Variants in SFI1 observed in about 807,000 individuals in gnomAD.
SFI1 encodes SFI1 centrin binding protein, also known as protein SFI1 homolog.
SFI1 carries 195 observed loss-of-function variants against 207.5 expected under a neutral mutation model. The ratio of observed to expected loss-of-function variants is 0.94; its 90% confidence interval spans 0.84 to 1.06. The LOEUF is 1.06. Ranked by LOEUF, SFI1 falls within the 50% of genes least tolerant of loss-of-function variation. The pLI, the probability that SFI1 is intolerant of heterozygous loss-of-function variation, is 0.00. For synonymous variants in SFI1, 630 were observed against 598.9 expected, an observed-to-expected ratio of 1.05 and a Z score of -0.76; for missense variants, 1,634 against 1,588.0, an observed-to-expected ratio of 1.03 and a Z score of -0.49.
chr22:31,562,857 TCTC>T (rs1356799390), intron 8 of SFI1, among the ~76,000 whole-genome samples: 1 of 151,736 alleles, frequency 6.6e-6, no homozygotes, highest in African/African-American at 2.4e-5. Flanking sequence ...ATGGTCTTGA[TCTC>T]CTGACCTTGT....
chr22:31,607,787 C>A, intron 21 of SFI1, 150 bp from the exon 22 acceptor site: 2 of 605,194 alleles, frequency 3.3e-6, no homozygotes, highest in East Asian at 5.7e-5. Flanking sequence ...CAGTGGTCTG[C>A]GTGCAAGGCA....
rs200280813 is a variant in SFI1, at chr22:31,611,231, C to T, written c.2343C>T (p.His781=). Residue 781 remains histidine (H), a synonymous_variant, in exon 23 of 33, where the codon CAC becomes CAT. Coordinates refer to ENST00000400288, the MANE Select transcript of SFI1 (RefSeq NM_001007467.3). ...QRLQLERAVQ[H]HHRQLLLEGL... ...TGCAGCTGGAGAGGGCAGTGCAACA[C>T]CACCACCGGCAGCTGCTGCTGGAGG... The T allele has an allele frequency of 3.7e-6, 6 of 1,613,746 alleles. No individual in the cohort carries two copies. In the South Asian group the frequency reaches 4.4e-5, roughly 12 times the overall value.
At chr22:31,548,041 C>T (rs554382220) in intron 5 of SFI1, among the ~76,000 whole-genome samples, 2 of 151,288 alleles carry the variant, frequency 1.3e-5, no homozygotes, top group African/African-American at 2.4e-5. Context: ...GGTGAAACCC[C>T]GTCTCTACTA....
At chr22:31,609,022 G>C (rs555611717) in intron 22 of SFI1, among the ~76,000 whole-genome samples, 12 of 151,930 alleles carry the variant, frequency 7.9e-5, no homozygotes, top group Non-Finnish European at 1.6e-4. Context: ...TTTTGAGACA[G>C]AGTCTCACTC....
intron 15 of SFI1, among the ~76,000 whole-genome samples, chr22:31,599,879 TA>T (rs1196202060): frequency 3.0e-5 from 4 of 133,050 alleles, no homozygotes; most frequent in Non-Finnish European, 5.2e-5. Flanking sequence ...TTATTGTTGT[TA>T]TTTTTTTTTT....
At chr22:31,508,618 C>T (rs940375479) in intron 2 of SFI1, among the ~76,000 whole-genome samples, 3 of 152,110 alleles carry the variant, frequency 2.0e-5, no homozygotes, top group African/African-American at 7.2e-5. Context: ...TGATTCTGAG[C>T]AGAAGTGAGT....
intron 2 of SFI1, among the ~76,000 whole-genome samples, chr22:31,524,133 C>T (rs754318151): frequency 2.0e-5 from 3 of 151,724 alleles, no homozygotes; most frequent in Non-Finnish European, 4.4e-5. Context: ...ACCCAGGAGG[C>T]GGAGGTTGCA....
At chr22:31,580,046 G>T in intron 11 of SFI1, 1 of 466,364 alleles carries the variant, frequency 2.1e-6, no homozygotes, top group Non-Finnish European at 3.9e-6. Context: ...ACAGCAGGGA[G>T]GGTTCAGCAA....
intron 15 of SFI1, among the ~76,000 whole-genome samples, chr22:31,594,739 C>T (rs1359990627): frequency 6.7e-6 from 1 of 148,954 alleles, no homozygotes; most frequent in Non-Finnish European, 1.5e-5. Context: ...ACTGTAGTCC[C>T]AGCTACTCAG....
chr22:31,501,787 C>T (rs1031244129), intron 1 of SFI1, among the ~76,000 whole-genome samples: 2 of 152,264 alleles, frequency 1.3e-5, no homozygotes, highest in East Asian at 3.9e-4. Flanking sequence ...TTTGTTAAAA[C>T]ATAACATTGA....
At chr22:31,610,171 C>T (rs2069826750) in intron 22 of SFI1, among the ~76,000 whole-genome samples, 1 of 152,132 alleles carries the variant, frequency 6.6e-6, no homozygotes, top group Non-Finnish European at 1.5e-5. Context: ...AAGGGTGGGA[C>T]TGGGAGGAGG....
In SFI1 at chr22:31,595,143, TGC is replaced by T. The variant is rs1363117845; in HGVS notation, c.1544+5569_1544+5570del. On this transcript the variant is annotated intron_variant, in intron 15 of 32. Coordinates refer to ENST00000400288, the MANE Select transcript of SFI1 (RefSeq NM_001007467.3). ...TCCCAAGTAGCTGGGATTACAGGTG[TGC>T]GCCACCACGCCCGGCTAATTTTTTG... 5.1e-4 allele frequency among the ~76,000 whole-genome samples: 78 copies of T among 152,004 alleles called. 1 individual carries two copies. The highest frequency in any genetic ancestry group is 1.0e-4 in the Non-Finnish European group (7 of 68,000).
At chr22:31,539,279 G>T (rs556227069) in intron 4 of SFI1, among the ~76,000 whole-genome samples, 4 of 152,242 alleles carry the variant, frequency 2.6e-5, no homozygotes, top group African/African-American at 9.6e-5. Flanking sequence ...TTCTCAGGAG[G>T]TAGTCTGAGT....
At chr22:31,604,717 G>A in intron 19 of SFI1, 152 bp from the exon 20 acceptor site, 1 of 646,604 alleles carries the variant, frequency 1.5e-6, no homozygotes, top group Non-Finnish European at 2.7e-6. Flanking sequence ...GGGAGGGTCT[G>A]CTGGCCCTGG....
chr22:31,508,758 C>G (rs1032982627), intron 2 of SFI1, among the ~76,000 whole-genome samples: 1 of 152,102 alleles, frequency 6.6e-6, no homozygotes, highest in African/African-American at 2.4e-5. Context: ...CTCTCGGCAC[C>G]TTATAACGTG....
rs754272568 is a variant in SFI1, at chr22:31,561,379, G to A, written c.752G>A (p.Ser251Asn). 3 of 1,613,534 alleles carry A rather than the reference G, an allele frequency of 1.9e-6. No homozygotes were observed. Among genetic ancestry groups the A allele is most frequent in the African/African-American group, 2.7e-5 (2 of 74,914 alleles). ...HASALKHRAL[S>N]LQVQAWSQWR... ...TCTGCTTTGAAGCACAGGGCCCTGA[G>A]CCTCCAGGTGCAGGTGAGTCCAGCA... The change falls in exon 8 of 33, where the codon AGC (serine) becomes AAC (asparagine). Residue 251 changes from serine (S) to asparagine (N), a missense_variant. Transcript: ENST00000400288.
intron 1 of SFI1, among the ~76,000 whole-genome samples, chr22:31,503,646 G>C (rs2054170652): frequency 1.4e-5 from 2 of 145,410 alleles, no homozygotes; most frequent in Admixed American, 1.4e-4. Context: ...GGAGTACAGT[G>C]GTGCGATCTT....
intron 15 of SFI1, among the ~76,000 whole-genome samples, chr22:31,590,129 A>C (rs2065649316): frequency 6.6e-6 from 1 of 150,696 alleles, no homozygotes; most frequent in African/African-American, 2.5e-5. Flanking sequence ...CTTTTGTTCT[A>C]CTCAGGCCCT....
intron 12 of SFI1, among the ~76,000 whole-genome samples, chr22:31,582,246 T>TC: frequency 1.7e-5 from 1 of 59,424 alleles, no homozygotes; most frequent in Non-Finnish European, 3.3e-5. Context: ...ATTTTTTTTT[T>TC]TTTTTTTTTT....
Sources: allele counts gnomAD v4.1 joint callset (sites outside exome capture counted in the v4.1 genomes callset), GRCh38; gene constraint gnomAD v4.1.1; transcripts MANE v1.5; gene names NCBI Gene and HGNC (gene_info 2026-07-23, HGNC 2026-07-21).